The following BLTP3A variants were observed in gnomAD, a reference collection of about 807,000 sequenced individuals.
The protein encoded by BLTP3A is ICBP90 binding protein 1.
At chr6:34,865,382 C>T in the BLTP3A span, among the ~76,000 whole-genome samples, 1 of 152,218 alleles carries the variant, frequency 6.6e-6, no homozygotes, top group Non-Finnish European at 1.5e-5. Context: ...ATTTCCCTCT[C>T]ATAAGGCTGA....
chr6:34,831,613 T>G, the BLTP3A span, among the ~76,000 whole-genome samples: 1 of 152,350 alleles, frequency 6.6e-6, no homozygotes, highest in Non-Finnish European at 1.5e-5. Context: ...TTTTAACATT[T>G]GAATCTCTAG....
chr6:34,821,650 C>G, the BLTP3A span: 1 of 1,606,152 alleles, frequency 6.2e-7, no homozygotes, highest in Non-Finnish European at 8.5e-7. Context: ...TTACTCTTTT[C>G]AGGTTCACTA....
At chr6:34,840,986 TGTC>T in the BLTP3A span, among the ~76,000 whole-genome samples, 1 of 152,114 alleles carries the variant, frequency 6.6e-6, no homozygotes, top group Non-Finnish European at 1.5e-5. Flanking sequence ...ATATTGTTGT[TGTC>T]GTTGTTGCTT....
chr6:34,807,622 G>A, the BLTP3A span, among the ~76,000 whole-genome samples: 1 of 152,226 alleles, frequency 6.6e-6, no homozygotes, highest in African/African-American at 2.4e-5. Context: ...CAGTAAATGA[G>A]AGTGCTGCAA....
At chr6:34,830,543 T>C in the BLTP3A span, among the ~76,000 whole-genome samples, 1 of 150,590 alleles carries the variant, frequency 6.6e-6, no homozygotes, top group Non-Finnish European at 1.5e-5. Flanking sequence ...TGAGCCGAGA[T>C]CACACCACTG....
chr6:34,795,144 C>T, the BLTP3A span, among the ~76,000 whole-genome samples: 9 of 151,950 alleles, frequency 5.9e-5, no homozygotes, highest in East Asian at 7.8e-4. Context: ...AGTGCAGTGG[C>T]GCGATCATGG....
At chr6:34,861,419 C>A in the BLTP3A span, among the ~76,000 whole-genome samples, 1 of 152,140 alleles carries the variant, frequency 6.6e-6, no homozygotes, top group Non-Finnish European at 1.5e-5. Flanking sequence ...AGCCACTGTG[C>A]CTGGCCTATA....
the BLTP3A span, among the ~76,000 whole-genome samples, chr6:34,804,044 G>A: frequency 1.3e-5 from 2 of 152,160 alleles, 1 homozygote; most frequent in Admixed American, 1.3e-4. Context: ...GCAGTATATA[G>A]TAGTATGTGT....
At chr6:34,867,441 A>G in the BLTP3A span, 1 of 1,613,608 alleles carries the variant, frequency 6.2e-7, no homozygotes, top group African/African-American at 1.3e-5. Flanking sequence ...TTGGGACTTA[A>G]AACTAAGAGA....
At chr6:34,815,255 G>A in the BLTP3A span, among the ~76,000 whole-genome samples, 17 of 152,048 alleles carry the variant, frequency 1.1e-4, no homozygotes, top group African/African-American at 4.1e-4. Flanking sequence ...TTGTTTGTTT[G>A]TTTGTTTGTT....
At chr6:34,833,581 G>T in the BLTP3A span, among the ~76,000 whole-genome samples, 2 of 152,048 alleles carry the variant, frequency 1.3e-5, no homozygotes, top group Admixed American at 1.3e-4. Flanking sequence ...ACAGGAGGGA[G>T]ATTGTTTCAA....
chr6:34,821,694 C>T, the BLTP3A span: 1 of 1,614,098 alleles, frequency 6.2e-7, no homozygotes, highest in Non-Finnish European at 8.5e-7. Flanking sequence ...AACCTGAGCA[C>T]CCTGAAAGGG....
the BLTP3A span, among the ~76,000 whole-genome samples, chr6:34,852,841 CTAA>C: frequency 6.6e-6 from 1 of 152,222 alleles, no homozygotes; most frequent in Non-Finnish European, 1.5e-5. Flanking sequence ...GTAATAACCT[CTAA>C]TAACCTCCGG....
the BLTP3A span, chr6:34,857,302 T>C: frequency 1.2e-6 from 2 of 1,613,288 alleles, no homozygotes. Flanking sequence ...TGATTGTTGA[T>C]ACTAACAAAA....
chr6:34,861,273 G>A, the BLTP3A span, among the ~76,000 whole-genome samples: 1 of 151,974 alleles, frequency 6.6e-6, no homozygotes, highest in African/African-American at 2.4e-5. Flanking sequence ...CCACAGGCAT[G>A]CGCCACCACG....
At chr6:34,819,773 G>A in the BLTP3A span, among the ~76,000 whole-genome samples, 1 of 152,124 alleles carries the variant, frequency 6.6e-6, no homozygotes, top group African/African-American at 2.4e-5. Flanking sequence ...AAATGGAGTG[G>A]CTGGCGAGAG....
the BLTP3A span, among the ~76,000 whole-genome samples, chr6:34,819,602 T>C: frequency 6.6e-6 from 1 of 152,164 alleles, no homozygotes; most frequent in Non-Finnish European, 1.5e-5. Flanking sequence ...GAGAACATCC[T>C]AAGACACTGT....
At chr6:34,855,410 T>C in the BLTP3A span, among the ~76,000 whole-genome samples, 23,085 of 152,228 alleles carry the variant, frequency 0.15, 2,062 homozygotes, top group African/African-American at 0.25. Flanking sequence ...TACTTTCTTT[T>C]GGGTCTTTTA....
At chr6:34,854,903 CATGCAGAGGAA>C in the BLTP3A span, among the ~76,000 whole-genome samples, 10 of 152,138 alleles carry the variant, frequency 6.6e-5, no homozygotes, top group Non-Finnish European at 1.5e-4. Flanking sequence ...ACAATACACA[CATGCAGAGGAA>C]ATACTTTCTA....
Sources: gnomAD v4.1 joint callset for allele counts (sites outside exome capture counted in the v4.1 genomes callset) on GRCh38, gnomAD v4.1.1 for gene constraint, MANE v1.5 for transcripts, NCBI Gene and HGNC (gene_info 2026-07-23, HGNC 2026-07-21) for gene names.